The following NLGN1 variants were observed in gnomAD, a reference collection of about 807,000 sequenced individuals.
The protein encoded by NLGN1 is neuroligin-1.
A neutral mutation model predicts 65.5 loss-of-function variants in NLGN1; 12 were observed. That is an observed-to-expected ratio of 0.18 (90% CI 0.12 to 0.30). NLGN1 has a LOEUF of 0.30. NLGN1 is among the 10% of genes least tolerant of loss of function. The pLI, the probability that NLGN1 is intolerant of heterozygous loss-of-function variation, is 1.00. For synonymous variants in NLGN1, 350 were observed against 359.5 expected (o/e 0.97, Z 0.30); for missense variants, 750 against 1,007.1 (o/e 0.74, Z 3.46).
chr3:173,824,630 G>A (rs1160703662), intron 4 of NLGN1, among the ~76,000 whole-genome samples: 1 of 152,030 alleles, frequency 6.6e-6, no homozygotes, highest in Non-Finnish European at 1.5e-5. Context: ...CCAGGAAAGG[G>A]TATGTATATT....
rs528382710 is a variant in NLGN1 at position 173,888,132 on chromosome 3, A to G, written c.646+80300A>G. Among the ~76,000 whole-genome samples the G allele has an allele frequency of 4.6e-5, 7 of 152,082 alleles. No homozygotes were observed. In the South Asian group the frequency reaches 1.5e-3, roughly 32 times the overall value. On this transcript the variant is annotated intron_variant, in intron 4 of 6. Coordinates refer to ENST00000457714, the Ensembl canonical transcript of NLGN1. ...CAATGTTCCCTTTATTCTATTCCCA[A>G]GTCTCTCAATTATAGGCATATCTGG...
intron 3 of NLGN1, among the ~76,000 whole-genome samples, chr3:173,749,435 A>G (rs1188339083): frequency 6.6e-6 from 1 of 152,082 alleles, no homozygotes; most frequent in Admixed American, 6.6e-5. Flanking sequence ...ATACTCTTCT[A>G]AATATAATAA....
Position 174,029,218 on chromosome 3 carries a change from T to C in NLGN1, c.646+221386T>C, listed in dbSNP as rs1219167275. On this transcript the variant is annotated intron_variant, in intron 4 of 6. Transcript: ENST00000457714. ...AAGCTGCAGACACTCAACATCAGCC[T>C]GTGAAAGGAGCTGAGAGGTGGCTGT... Among the ~76,000 whole-genome samples, 4 of 152,118 alleles carry C rather than the reference T, an allele frequency of 2.6e-5. No homozygotes were observed. In the South Asian group the frequency reaches 6.2e-4, roughly 24 times the overall value.
chr3:173,844,698 T>C (rs1277560916), intron 4 of NLGN1, among the ~76,000 whole-genome samples: 1 of 152,206 alleles, frequency 6.6e-6, no homozygotes, highest in African/African-American at 2.4e-5. Flanking sequence ...TGAATAATGT[T>C]TGTGATTGTT....
In NLGN1 at chr3:173,604,546, A is replaced by G. The variant is rs1751057872; in HGVS notation, c.-53A>G. ...ATTATACAGTCTTTCTCAAGTGGAT[A>G]TAAATACGTTTGCCTCACTGTAACC... On this transcript the variant is annotated 5_prime_UTR_variant, in exon 3 of 7. In the 5' UTR this introduces an upstream ATG that the reference lacks. Transcript: ENST00000457714. 1 of 1,585,614 alleles carries G rather than the reference A, an allele frequency of 6.3e-7. No homozygotes were observed. The highest frequency in any genetic ancestry group is 1.3e-5 in the African/African-American group (1 of 74,182).
chr3:173,495,447 A>C (rs1226067691), intron 2 of NLGN1, among the ~76,000 whole-genome samples: 1 of 151,588 alleles, frequency 6.6e-6, no homozygotes, highest in Non-Finnish European at 1.5e-5. Flanking sequence ...TTTTACTTCT[A>C]CCCTTCTAAT....
chr3:173,871,077 A>G (rs545407181), intron 4 of NLGN1, among the ~76,000 whole-genome samples: 7 of 152,244 alleles, frequency 4.6e-5, no homozygotes, highest in African/African-American at 1.7e-4. Flanking sequence ...ATAATAGGTC[A>G]TGTCTACACG....
At chr3:173,523,354 C>T (rs1191734799) in intron 2 of NLGN1, among the ~76,000 whole-genome samples, 2 of 151,488 alleles carry the variant, frequency 1.3e-5, no homozygotes, top group African/African-American at 4.8e-5. Flanking sequence ...GAAGAGTTTT[C>T]CGAGCTTTTC....
At chr3:174,284,335 C>T (rs1751881182) in exon 7 of NLGN1, 1 of 151,252 alleles carries the variant, frequency 6.6e-6, no homozygotes, top group Admixed American at 6.6e-5. Context: ...AAAGCTGAAA[C>T]ATAATCTTTA....
chr3:174,189,953 CA>C (rs1732078478), intron 4 of NLGN1, among the ~76,000 whole-genome samples: 1 of 151,944 alleles, frequency 6.6e-6, no homozygotes, highest in Admixed American at 6.6e-5. Context: ...AATTGTTTTA[CA>C]AAAAGTCTCC....
chr3:173,900,554 C>G (rs1298883609), intron 4 of NLGN1, among the ~76,000 whole-genome samples: 2 of 152,012 alleles, frequency 1.3e-5, no homozygotes, highest in African/African-American at 4.8e-5. Flanking sequence ...TTGAATAACT[C>G]TATCTCCATC....
intron 2 of NLGN1, among the ~76,000 whole-genome samples, chr3:173,550,312 A>T (rs936730486): frequency 2.0e-5 from 3 of 152,074 alleles, no homozygotes; most frequent in Admixed American, 6.6e-5. Flanking sequence ...AGATAATGGG[A>T]TAAAATATAT....
intron 2 of NLGN1, among the ~76,000 whole-genome samples, chr3:173,454,401 C>T (rs1278979411): frequency 1.3e-5 from 2 of 152,064 alleles, no homozygotes; most frequent in Non-Finnish European, 2.9e-5. Context: ...CTTGTTCTTT[C>T]TAGCTATGAA....
chr3:174,156,263 G>A (rs1424342178), intron 4 of NLGN1, among the ~76,000 whole-genome samples: 1 of 151,880 alleles, frequency 6.6e-6, no homozygotes, highest in African/African-American at 2.4e-5. Context: ...TATAGTAAAT[G>A]TTTTTAACTA....
At chr3:174,134,979 G>A (rs959955498) in intron 4 of NLGN1, among the ~76,000 whole-genome samples, 34 of 152,108 alleles carry the variant, frequency 2.2e-4, no homozygotes, top group African/African-American at 8.2e-4. Context: ...AGAAACAATT[G>A]TAGGTACTTC....
chr3:174,234,102 T>G (rs1741216835), intron 4 of NLGN1, among the ~76,000 whole-genome samples: 1 of 152,148 alleles, frequency 6.6e-6, no homozygotes, highest in African/African-American at 2.4e-5. Flanking sequence ...AATTCTTGCT[T>G]CCTCAGAAGA....
At chr3:173,769,372 T>C (rs873655) in intron 3 of NLGN1, among the ~76,000 whole-genome samples, 17,061 of 152,200 alleles carry the variant, frequency 0.11, 1,109 homozygotes, top group African/African-American at 0.18. Flanking sequence ...GTAAACTACT[T>C]GGCCTTCTGT....
chr3:173,781,280 A>C (rs12495045), intron 3 of NLGN1, among the ~76,000 whole-genome samples: 119,495 of 151,954 alleles, frequency 0.79, 47,808 homozygotes, highest in Non-Finnish European at 0.84. Flanking sequence ...CTTCCAGGAA[A>C]TATCTGTGTA....
At chr3:173,720,273 G>A (rs372351485) in intron 3 of NLGN1, among the ~76,000 whole-genome samples, 85 of 152,108 alleles carry the variant, frequency 5.6e-4, no homozygotes, top group African/African-American at 1.9e-3. Context: ...ATTTTGAGGC[G>A]GGGGGTGCCG....
Sources: gnomAD v4.1 joint callset for allele counts (sites outside exome capture counted in the v4.1 genomes callset) on GRCh38, gnomAD v4.1.1 for gene constraint, MANE v1.5 for transcripts, NCBI Gene and HGNC (gene_info 2026-07-23, HGNC 2026-07-21) for gene names.